Variants in CNNM1 observed in about 807,000 individuals in gnomAD.
CNNM1 encodes the protein cyclin and CBS domain divalent metal cation transport mediator 1, also known as metal transporter CNNM1.
A neutral mutation model predicts 78.8 loss-of-function variants in CNNM1; 44 were observed. The ratio of observed to expected loss-of-function variants is 0.56; its 90% CI spans 0.44 to 0.72. The LOEUF (loss-of-function observed/expected upper bound fraction) is 0.72. CNNM1 is among the 30% of genes least tolerant of loss of function. CNNM1 has a pLI of 0.00. For synonymous variants in CNNM1, 584 were observed against 581.5 expected (o/e 1.00, Z -0.06); for missense variants, 1,101 against 1,292.2 (o/e 0.85, Z 2.27).
chr10:99,378,910 G>A (rs1421834906), intron 7 of CNNM1, among the ~76,000 whole-genome samples: 1 of 152,204 alleles, frequency 6.6e-6, no homozygotes, highest in Non-Finnish European at 1.5e-5. Context: ...TTTACGAGCT[G>A]ACCGAGCAAT....
chr10:99,391,013 C>G (rs117184812), intron 10 of CNNM1, among the ~76,000 whole-genome samples: 62 of 152,364 alleles, frequency 4.1e-4, no homozygotes, highest in Admixed American at 7.2e-4. Flanking sequence ...GAACGCAGGT[C>G]CCTGGAAATG....
At position 99,377,171 on chromosome 10, in the gene CNNM1, A is replaced by C. The variant is rs1257954289; in HGVS notation, c.2293A>C (p.Met765Leu). The C allele has an allele frequency of 1.2e-6, 2 of 1,613,464 alleles. No individual in the cohort carries two copies. Among genetic ancestry groups the C allele is most frequent in the African/African-American group, 2.7e-5 (2 of 74,856 alleles). ...QLYSSSNNLY[M>L]PDYSVHILSD... ...GTACAGCAGCAGCAACAACCTCTAC[A>C]TGCCTGACTACTCAGTCCACATCCT... The change falls in exon 7 of 11, where the codon ATG (methionine) becomes CTG (leucine). Residue 765 changes from methionine (M) to leucine (L), a missense_variant. Transcript: ENST00000356713.
intron 7 of CNNM1, among the ~76,000 whole-genome samples, chr10:99,379,876 A>G (rs1221730228): frequency 1.3e-5 from 2 of 152,076 alleles, no homozygotes; most frequent in Non-Finnish European, 2.9e-5. Context: ...ACAGATATTT[A>G]TTTCTCACCA....
intron 1 of CNNM1, among the ~76,000 whole-genome samples, chr10:99,350,781 T>C (rs1370523098): frequency 6.6e-6 from 1 of 152,174 alleles, no homozygotes; most frequent in African/African-American, 2.4e-5. Context: ...TTTTTCCTAA[T>C]GTTCTCCCTC....
At position 99,360,988 on chromosome 10, in the gene CNNM1, T is replaced by C; in HGVS notation, c.1858+13T>C. The C allele has an allele frequency of 6.3e-7, 1 of 1,593,408 alleles. No homozygotes were observed. Among genetic ancestry groups the C allele is most frequent in the Non-Finnish European group, 8.6e-7 (1 of 1,166,302 alleles). ...TTCATGGCCACAGGTAGGACAAGTC[T>C]CCACTCCAGAGAAGCTAAAACAGAA... On this transcript the variant is annotated intron_variant, in intron 3 of 10. Coordinates refer to ENST00000356713, the MANE Select transcript of CNNM1 (RefSeq NM_020348.3).
rs1473562986 is a variant in CNNM1, at chr10:99,393,271, A to G, written c.*1755A>G. On this transcript the variant is annotated 3_prime_UTR_variant, in exon 11 of 11. Transcript: ENST00000356713. Reference sequence around the variant, plus strand: ...TGAGTCATTCACAGGCAGGAGGGAGACTGATCATTCCTCTGGGTTATCTGC... The same window carrying G: ...TGAGTCATTCACAGGCAGGAGGGAGGCTGATCATTCCTCTGGGTTATCTGC... 1 of 152,224 alleles carries G rather than the reference A, an allele frequency of 6.6e-6. No individual in the cohort carries two copies. The highest frequency in any genetic ancestry group is 1.5e-5 in the Non-Finnish European group (1 of 67,984). 9.4% of individuals were successfully genotyped at this position (152,224 alleles called of 1,614,324 possible). A position where few individuals can be genotyped will look rare whatever the true frequency, so the allele number is the denominator to read the frequency against.
intron 1 of CNNM1, among the ~76,000 whole-genome samples, chr10:99,340,300 C>T (rs994610372): frequency 6.6e-6 from 1 of 152,154 alleles, no homozygotes; most frequent in Non-Finnish European, 1.5e-5. Context: ...GAGAGAATCT[C>T]ATTCACACTT....
chr10:99,390,246 T>C (rs2032433492), intron 9 of CNNM1, 60 bp from the exon 10 acceptor site: 1 of 1,216,842 alleles, frequency 8.2e-7, no homozygotes. Context: ...AGAATCACCC[T>C]CTCTTGATGC....
intron 1 of CNNM1, among the ~76,000 whole-genome samples, chr10:99,347,616 G>A (rs1418063508): frequency 2.6e-5 from 1 of 37,790 alleles, no homozygotes; most frequent in African/African-American, 7.8e-5. Context: ...GCAATGGCTT[G>A]TTTTTATGTC....
At chr10:99,385,515 A>G (rs1317625225) in intron 7 of CNNM1, among the ~76,000 whole-genome samples, 1 of 152,222 alleles carries the variant, frequency 6.6e-6, no homozygotes, top group Non-Finnish European at 1.5e-5. Context: ...TCAGCAATTT[A>G]GACATAATGA....
intron 6 of CNNM1, among the ~76,000 whole-genome samples, chr10:99,366,888 A>G (rs2031637866): frequency 6.6e-6 from 1 of 152,198 alleles, no homozygotes; most frequent in Non-Finnish European, 1.5e-5. Context: ...CATCAGTGAG[A>G]TAGAAATAAA....
chr10:99,340,914 A>G (rs1259844205), intron 1 of CNNM1, among the ~76,000 whole-genome samples: 2 of 89,202 alleles, frequency 2.2e-5, no homozygotes, highest in African/African-American at 1.8e-4. Context: ...GCCTGCCTGT[A>G]TTGAATGGCC....
At chr10:99,337,563 T>C (rs1028789576) in intron 1 of CNNM1, among the ~76,000 whole-genome samples, 1 of 152,238 alleles carries the variant, frequency 6.6e-6, no homozygotes, top group African/African-American at 2.4e-5. Flanking sequence ...TCTGGGAGAC[T>C]TCTCCTGTAA....
Position 99,330,565 on chromosome 10 carries a change from C to T in CNNM1, c.1178C>T (p.Thr393Met), listed in dbSNP as rs144157444. 1.9e-4 allele frequency: 301 copies of T among 1,607,106 alleles called. No homozygotes were observed. The highest frequency in any genetic ancestry group is 7.3e-4 in the Admixed American group (43 of 58,644). ...ALRQEISTFY[T>M]REKLLETLRA... is the part of the protein sequence containing the mutation. ...CGCCAGGAGATAAGCACCTTCTACA[C>T]GCGGGAGAAGTTGCTGGAGACGTTG... is the stretch of plus-strand genomic sequence containing the variant. Residue 393 changes from threonine (T) to methionine (M), a missense_variant, in exon 1 of 11, where the codon ACG becomes ATG. Physicochemically the swap from Thr to Met is moderately conservative, Grantham distance 81. Transcript: ENST00000356713.
At position 99,330,191 on chromosome 10, in the gene CNNM1, G is replaced by A. The variant is rs748785888; in HGVS notation, c.804G>A (p.Gln268=). The change falls in exon 1 of 11, where the codon CAG becomes CAA. Residue 268 remains glutamine (Q), a synonymous_variant. Transcript: ENST00000356713. Reference sequence around the variant, plus strand: ...GCGGCTCGGCCGCCGAGCAGGAGCAGGCGCGCCGCGTGCAGGCCGTTCGCG... The same window carrying A: ...GCGGCTCGGCCGCCGAGCAGGAGCAAGCGCGCCGCGTGCAGGCCGTTCGCG... ...RNSGSAAEQE[Q]ARRVQAVRGR... is the part of the protein sequence containing the mutation. The A allele has an allele frequency of 6.6e-7, 1 of 1,511,584 alleles. No homozygotes were observed. Among genetic ancestry groups the A allele is most frequent in the East Asian group, 2.5e-5 (1 of 40,582 alleles). 93.6% of individuals were successfully genotyped at this position (1,511,584 alleles called of 1,614,324 possible).
At chr10:99,364,368 G>A in intron 4 of CNNM1, 49 bp from the exon 5 acceptor site, 1 of 1,395,166 alleles carries the variant, frequency 7.2e-7, no homozygotes, top group African/African-American at 1.4e-5. Context: ...TAGTAGAACT[G>A]GAAGTGCTCA....
chr10:99,387,684 C>G, intron 7 of CNNM1, 136 bp from the exon 8 acceptor site: 1 of 807,474 alleles, frequency 1.2e-6, no homozygotes. Flanking sequence ...GGTAAGGCCC[C>G]CATTCGTGGA....
intron 1 of CNNM1, among the ~76,000 whole-genome samples, chr10:99,340,563 A>G (rs2030395041): frequency 6.6e-6 from 1 of 151,910 alleles, no homozygotes; most frequent in Non-Finnish European, 1.5e-5. Flanking sequence ...GGGTTTTCCT[A>G]GTAGTACTGT....
At chr10:99,380,964 A>C (rs975241211) in intron 7 of CNNM1, among the ~76,000 whole-genome samples, 2 of 152,166 alleles carry the variant, frequency 1.3e-5, no homozygotes, top group Admixed American at 6.5e-5. Context: ...TCTCGGGTGT[A>C]GGTGTCTGTC....
Sources: allele counts gnomAD v4.1 joint callset (sites outside exome capture counted in the v4.1 genomes callset), GRCh38; gene constraint gnomAD v4.1.1; transcripts MANE v1.5; gene names NCBI Gene and HGNC (gene_info 2026-07-23, HGNC 2026-07-21).